Variants in GLRX2 observed in about 807,000 individuals in gnomAD.
The protein encoded by GLRX2 is bA101E13.1 (GRX2 glutaredoxin (thioltransferase) 2).
Under a neutral mutation model 16.4 loss-of-function variants are expected in GLRX2, and 12 were observed. The observed-to-expected ratio is 0.73, with a 90% CI of 0.47 to 1.19. GLRX2 has a LOEUF of 1.19. GLRX2 is among the 50% of genes most tolerant of loss of function. The pLI, the probability that GLRX2 is intolerant of heterozygous loss-of-function variation, is 0.00. For synonymous variants in GLRX2, 95 were observed against 76.2 expected, an observed-to-expected ratio of 1.25 and a Z score of -1.28; for missense variants, 201 against 201.8, an observed-to-expected ratio of 1.00 and a Z score of 0.02.
chr1:193,097,019 T>C (rs1674972181), intron 3 of GLRX2, among the ~76,000 whole-genome samples: 1 of 152,236 alleles, frequency 6.6e-6, no homozygotes, highest in Non-Finnish European at 1.5e-5. Flanking sequence ...ATCCAAACAA[T>C]CTGATTCTAA....
chr1:193,105,520 C>A (rs1373529295), upstream of GLRX2: 1 of 1,553,760 alleles, frequency 6.4e-7, no homozygotes, highest in Admixed American at 1.9e-5. Flanking sequence ...CGGTCACCTC[C>A]TCGCAGCTGA....
At chr1:193,097,505 C>G in intron 3 of GLRX2, 79 bp downstream of exon 3, 1 of 1,127,704 alleles carries the variant, frequency 8.9e-7, no homozygotes, top group Non-Finnish European at 1.2e-6. Flanking sequence ...GCTCATTTTC[C>G]TAACACAAGG....
At chr1:193,099,502 C>A (rs907261683) in intron 2 of GLRX2, among the ~76,000 whole-genome samples, 2 of 151,804 alleles carry the variant, frequency 1.3e-5, no homozygotes, top group Non-Finnish European at 1.5e-5. Flanking sequence ...CACCACACCT[C>A]GATATTTTTT....
chr1:193,099,268 T>C (rs1228970165), intron 2 of GLRX2, among the ~76,000 whole-genome samples: 4 of 152,206 alleles, frequency 2.6e-5, no homozygotes, highest in Admixed American at 2.6e-4. Context: ...TCTAAACATA[T>C]GAATGCCTGG....
At chr1:193,102,449 T>A (rs993923741) in intron 1 of GLRX2, among the ~76,000 whole-genome samples, 3 of 152,122 alleles carry the variant, frequency 2.0e-5, no homozygotes, top group Non-Finnish European at 2.9e-5. Flanking sequence ...CTTCCCAGGT[T>A]CAAACAATTC....
chr1:193,101,209 A>G lies in GLRX2; in HGVS notation c.120-5T>C. 1.9e-6 allele frequency: 3 copies of G among 1,573,460 alleles called. No homozygotes were observed. The highest frequency in any genetic ancestry group is 2.6e-6 in the Non-Finnish European group (3 of 1,143,094). ...GATGATGTATTGCTCTCCATCCTAA[A>G]AGGAATTTAAGAGAACAATGTAGTT... On this transcript the variant is annotated splice_region_variant and splice_polypyrimidine_tract_variant and intron_variant, in intron 1 of 3. Transcript: ENST00000367439.
intron 3 of GLRX2, 112 bp from the exon 4 acceptor site, chr1:193,096,871 C>T: frequency 1.4e-6 from 1 of 705,886 alleles, no homozygotes; most frequent in South Asian, 2.2e-5. Context: ...CCTGGCACCA[C>T]AAAGCTCTTT....
Position 193,096,482 on chromosome 1 carries a change from G to T in GLRX2, c.*143C>A. 6.4e-6 allele frequency: 3 copies of T among 466,400 alleles called. No homozygotes were observed. The highest frequency in any genetic ancestry group is 1.1e-5 in the Non-Finnish European group (3 of 268,828). 28.9% of individuals were successfully genotyped at this position (466,400 alleles called of 1,614,324 possible). ...CAAGTGGGAAGAAGAGGTTTCCACC[G>T]CAATTTATTGTTCATTATTTTTACA... On this transcript the variant is annotated 3_prime_UTR_variant, in exon 4 of 4. Coordinates refer to ENST00000367439, the MANE Select transcript of GLRX2 (RefSeq NM_197962.3).
rs1262598967 is a variant in GLRX2, at chr1:193,101,084, AG to A, written c.183+56del. ...ATTGAATAAGCATATTAAATATATA[AG>A]GGACAATTCTTTTTCTACAGAGGAA... On this transcript the variant is annotated intron_variant, in intron 2 of 3. Transcript: ENST00000367439. 4.0e-6 allele frequency: 4 copies of A among 1,011,532 alleles called. No individual in the cohort carries two copies. In the African/African-American group the frequency reaches 6.3e-5, roughly 16 times the overall value. 62.7% of individuals were successfully genotyped at this position (1,011,532 alleles called of 1,614,324 possible).
intron 2 of GLRX2, among the ~76,000 whole-genome samples, chr1:193,099,145 A>G (rs2103098621): frequency 6.6e-6 from 1 of 152,292 alleles, no homozygotes; most frequent in South Asian, 2.1e-4. Context: ...CTCTCCATAT[A>G]ATGATGATAT....
At chr1:193,103,839 C>T (rs1053711810) in intron 1 of GLRX2, among the ~76,000 whole-genome samples, 1 of 151,990 alleles carries the variant, frequency 6.6e-6, no homozygotes, top group African/African-American at 2.4e-5. Flanking sequence ...GTGCGCTTAA[C>T]TCAGGAAGGA....
intron 3 of GLRX2, among the ~76,000 whole-genome samples, chr1:193,097,124 A>G (rs958980368): frequency 6.6e-6 from 1 of 152,294 alleles, no homozygotes; most frequent in African/African-American, 2.4e-5. Flanking sequence ...GAAGGGAAAG[A>G]GTGCACTATA....
chr1:193,097,351 A>C (rs921247102), intron 3 of GLRX2, among the ~76,000 whole-genome samples: 1 of 152,230 alleles, frequency 6.6e-6, no homozygotes, highest in Non-Finnish European at 1.5e-5. Flanking sequence ...TCCATAGACA[A>C]GCACTCATAA....
At chr1:193,096,839 G>T in intron 3 of GLRX2, 80 bp from the exon 4 acceptor site, 2 of 1,061,624 alleles carry the variant, frequency 1.9e-6, no homozygotes, top group South Asian at 1.7e-5. Flanking sequence ...CGAGACATTT[G>T]AACTCTGGGT....
intron 1 of GLRX2, 121 bp downstream of exon 1, chr1:193,105,143 G>C (rs1675160895): frequency 7.3e-7 from 1 of 1,365,818 alleles, no homozygotes; most frequent in South Asian, 1.6e-5. Flanking sequence ...CAGAGCCCAC[G>C]CGCTAGTACG....
chr1:193,101,214 AT>A lies in GLRX2; in HGVS notation c.120-11del, dbSNP rs756413752. The stretch of plus-strand genomic sequence containing the variant: ...TGTATTGCTCTCCATCCTAAAAGGA[AT>A]TTAAGAGAACAATGTAGTTTATTAA... On this transcript the variant is annotated splice_polypyrimidine_tract_variant and intron_variant, in intron 1 of 3. Transcript: ENST00000367439. The A allele has an allele frequency of 1.3e-6, 2 of 1,557,684 alleles. 1 individual carries two copies. The highest frequency in any genetic ancestry group is 2.2e-5 in the South Asian group (2 of 89,710).
upstream of GLRX2, chr1:193,105,765 C>A: frequency 7.2e-7 from 1 of 1,380,974 alleles, no homozygotes; most frequent in Non-Finnish European, 9.4e-7. Flanking sequence ...CATGACCATC[C>A]AAAACAGAAT....
At chr1:193,101,414 T>A (rs1572128026) in intron 1 of GLRX2, among the ~76,000 whole-genome samples, 2 of 152,226 alleles carry the variant, frequency 1.3e-5, no homozygotes, top group African/African-American at 4.8e-5. Context: ...GTAACTAGCT[T>A]CCCAACACCC....
At chr1:193,104,573 G>A (rs920381155) in intron 1 of GLRX2, among the ~76,000 whole-genome samples, 1 of 152,238 alleles carries the variant, frequency 6.6e-6, no homozygotes, top group African/African-American at 2.4e-5. Context: ...CCGGCCAAGT[G>A]CGCAGTGGCA....
Sources: allele counts gnomAD v4.1 joint callset (sites outside exome capture counted in the v4.1 genomes callset), GRCh38; gene constraint gnomAD v4.1.1; transcripts MANE v1.5; gene names NCBI Gene and HGNC (gene_info 2026-07-23, HGNC 2026-07-21).